ATPAF2: variants seen among roughly 807,000 people sequenced by gnomAD.
ATPAF2 encodes ATP synthase mitochondrial F1 complex assembly factor 2.
Under a neutral mutation model 36.6 loss-of-function variants are expected in ATPAF2, and 30 were observed. The ratio of observed to expected loss-of-function variants is 0.82; its 90% CI spans 0.61 to 1.11. ATPAF2 has a LOEUF of 1.11. ATPAF2 is among the 50% of genes most tolerant of loss of function. The pLI, the probability that ATPAF2 is intolerant of heterozygous loss-of-function variation, is 0.00. For missense variants in ATPAF2, 321 were observed against 372.3 expected (o/e 0.86, Z 1.13); for synonymous variants, 140 against 152.6 (o/e 0.92, Z 0.61).
intron 1 of ATPAF2, among the ~76,000 whole-genome samples, chr17:18,029,811 G>A (rs1391052213): frequency 7.4e-6 from 1 of 134,440 alleles, no homozygotes; most frequent in East Asian, 2.5e-4. Context: ...GGTTGGTCTC[G>A]AACTCCTGAC....
intron 1 of ATPAF2, among the ~76,000 whole-genome samples, chr17:18,035,702 G>A (rs1029617892): frequency 6.6e-6 from 1 of 152,224 alleles, no homozygotes; most frequent in Admixed American, 6.5e-5. Context: ...AGCCATAGAT[G>A]ATATGTAAAT....
At chr17:18,029,862 T>A (rs959112880) in intron 1 of ATPAF2, among the ~76,000 whole-genome samples, 1 of 104,414 alleles carries the variant, frequency 9.6e-6, no homozygotes. Context: ...CCCGGCCAAA[T>A]AGTTTGCCTT....
intron 1 of ATPAF2, among the ~76,000 whole-genome samples, chr17:18,033,134 C>T (rs1478657578): frequency 2.6e-5 from 4 of 151,576 alleles, no homozygotes; most frequent in Admixed American, 1.3e-4. Flanking sequence ...TTTGTGAGGC[C>T]GAGGGGGACA....
intron 4 of ATPAF2, chr17:18,024,958 T>G (rs2145495327): frequency 1.9e-6 from 1 of 515,822 alleles, no homozygotes; most frequent in East Asian, 3.6e-5. Context: ...GGCCCAGCAA[T>G]CTGTTTTAAC....
chr17:18,021,488 A>G (rs2044467875), intron 6 of ATPAF2: 5 of 628,328 alleles, frequency 8.0e-6, no homozygotes, highest in African/African-American at 1.8e-5. Flanking sequence ...TGATTGGTTC[A>G]TGGATGGACA....
intron 3 of ATPAF2, among the ~76,000 whole-genome samples, chr17:18,027,412 G>A (rs2044563865): frequency 6.6e-6 from 1 of 152,130 alleles, no homozygotes; most frequent in East Asian, 1.9e-4. Context: ...AGCAGCGGCT[G>A]GGATGATAGC....
intron 1 of ATPAF2, among the ~76,000 whole-genome samples, chr17:18,032,681 T>C (rs575063968): frequency 3.3e-5 from 5 of 152,178 alleles, no homozygotes; most frequent in African/African-American, 1.2e-4. Flanking sequence ...ATCTCTGCAC[T>C]CTCCAGCCAT....
At chr17:18,029,515 T>G (rs1567576959) in intron 1 of ATPAF2, among the ~76,000 whole-genome samples, 1 of 152,166 alleles carries the variant, frequency 6.6e-6, no homozygotes. Flanking sequence ...AGACCCTAAC[T>G]GAAGTTATTT....
intron 7 of ATPAF2, among the ~76,000 whole-genome samples, chr17:18,018,988 A>T (rs1348270249): frequency 1.3e-5 from 2 of 152,148 alleles, no homozygotes; most frequent in African/African-American, 4.8e-5. Context: ...AGGTTTAAAA[A>T]TTAGCTGGGT....
chr17:18,021,227 CAA>C lies in ATPAF2; in HGVS notation c.626_627del (p.Phe209CysfsTer16). 6.2e-7 allele frequency: 1 copy of C among 1,613,184 alleles called. No individual in the cohort carries two copies. ...ACCATGGACTTGAGCTGGGCAGCTA[CAA>C]ACTCAATCCCTGCAGGGACACAAGC... ...YNTWALQGIE[F>X]VAAQLKSMVL... is the part of the protein sequence containing the mutation. On this transcript the variant is annotated frameshift_variant, in exon 7 of 8. Coordinates refer to ENST00000474627, the MANE Select transcript of ATPAF2 (RefSeq NM_145691.4). LOFTEE classifies it high-confidence loss of function.
At chr17:18,026,291 G>C (rs1268619721) in intron 4 of ATPAF2, 28 bp downstream of exon 4, 28 of 1,583,716 alleles carry the variant, frequency 1.8e-5, no homozygotes, top group Non-Finnish European at 2.3e-5. Flanking sequence ...CTCAATCCAA[G>C]GGGAATGCCC....
chr17:18,022,307 G>A (rs929576591), intron 5 of ATPAF2, among the ~76,000 whole-genome samples: 2 of 151,976 alleles, frequency 1.3e-5, no homozygotes, highest in African/African-American at 4.8e-5. Flanking sequence ...ATTGAGACAG[G>A]GTCTCGCTCT....
At position 18,039,126 on chromosome 17, in the gene ATPAF2, C is replaced by T; in HGVS notation, c.-113G>A. 2.8e-6 allele frequency: 4 copies of T among 1,432,610 alleles called. No homozygotes were observed. The highest frequency in any genetic ancestry group is 3.8e-6 in the Non-Finnish European group (4 of 1,051,572). 88.7% of individuals were successfully genotyped at this position (1,432,610 alleles called of 1,614,324 possible). ...CTGTACGGAAACCTCTCAACGCCTCCTCAGAGCCCTCAACCTCCCTTGGAC... is the reference window on the plus strand; with the variant it reads ...CTGTACGGAAACCTCTCAACGCCTCTTCAGAGCCCTCAACCTCCCTTGGAC... On this transcript the variant is annotated 5_prime_UTR_variant, in exon 1 of 8. Coordinates refer to ENST00000474627, the MANE Select transcript of ATPAF2 (RefSeq NM_145691.4). This position sits in a 1 kb window ranked among gnomAD's most constrained non-coding sequence, Gnocchi z 5.3.
chr17:18,016,137 A>AAAAG (rs2044354359), downstream of ATPAF2: 1 of 1,613,890 alleles, frequency 6.2e-7, no homozygotes, highest in Admixed American at 1.7e-5. Flanking sequence ...AAGATTGACA[A>AAAAG]TCGAGAAGAT....
At chr17:18,033,493 T>C (rs1297977366) in intron 1 of ATPAF2, among the ~76,000 whole-genome samples, 3 of 151,172 alleles carry the variant, frequency 2.0e-5, no homozygotes, top group Non-Finnish European at 3.0e-5. Context: ...GGTGAATACA[T>C]GGTTAGCAGA....
chr17:18,020,606 G>A (rs558443618), intron 7 of ATPAF2: 21 of 156,162 alleles, frequency 1.3e-4, no homozygotes, highest in Non-Finnish European at 2.4e-4. Flanking sequence ...CTGCTGAGAG[G>A]AGGTGAGATG....
rs770015610 is a variant in ATPAF2, at chr17:18,021,142, C to T, written c.713G>A (p.Arg238His). Residue 238 changes from arginine (R) to histidine (H), a missense_variant, in exon 7 of 8, where the codon CGC becomes CAC. Arg to His is a conservative substitution (Grantham distance 29). Transcript: ENST00000474627. ...LTVEQAVLLS[R>H]LEEEYQIQKW... ...CCTCACCTGGTACTCCTCCTCCAGG[C>T]GTGACAGCAGCACGGCCTGCTCCAC... 4.3e-5 allele frequency: 70 copies of T among 1,613,650 alleles called. No homozygotes were observed. The highest frequency in any genetic ancestry group is 3.8e-4 in the Admixed American group (23 of 59,964).
At chr17:18,017,226 G>T (rs995903889), downstream of ATPAF2, among the ~76,000 whole-genome samples, 2 of 121,960 alleles carry the variant, frequency 1.6e-5, no homozygotes, top group Non-Finnish European at 3.4e-5. Flanking sequence ...GTAGGAACAA[G>T]AGAAAGAGTT....
At position 18,018,615 on chromosome 17, in the gene ATPAF2, G is replaced by C. The variant is rs565785423; in HGVS notation, c.804C>G (p.Ala268=). 2.5e-6 allele frequency: 4 copies of C among 1,613,886 alleles called. No individual in the cohort carries two copies. Among genetic ancestry groups the C allele is most frequent in the Non-Finnish European group, 3.4e-6 (4 of 1,180,042 alleles). Reference sequence around the variant, plus strand: ...AGCAGAGATGGATGAAGAGGGTGCCGGCGGCGGTGCGGGCCCGCAGCTCCT... The same window carrying C: ...AGCAGAGATGGATGAAGAGGGTGCCCGCGGCGGTGCGGGCCCGCAGCTCCT... ...ELQELRARTA[A]GTLFIHLCSE... is the part of the protein sequence containing the mutation. Residue 268 remains alanine, a synonymous_variant, in exon 8 of 8, where the codon GCC becomes GCG. Coordinates refer to ENST00000474627, the MANE Select transcript of ATPAF2 (RefSeq NM_145691.4).
Sources: allele counts gnomAD v4.1 joint callset (sites outside exome capture counted in the v4.1 genomes callset), GRCh38; gene constraint gnomAD v4.1.1; non-coding constraint Gnocchi (gnomAD v3.1); transcripts MANE v1.5; gene names NCBI Gene and HGNC (gene_info 2026-07-23, HGNC 2026-07-21).